KCNK10: variants seen among roughly 807,000 people sequenced by gnomAD.
KCNK10 encodes the protein potassium two pore domain channel subfamily K member 10, also known as potassium channel subfamily K member 10.
Under a neutral mutation model 47.7 loss-of-function variants are expected in KCNK10, and 25 were observed. The ratio of observed to expected loss-of-function variants is 0.52; its 90% CI spans 0.38 to 0.73. The LOEUF (loss-of-function observed/expected upper bound fraction) is 0.73. Among genes scored for constraint, KCNK10 ranks in the 30% least tolerant of loss-of-function variants. The pLI, the probability that KCNK10 is intolerant of heterozygous loss-of-function variation, is 0.00. For synonymous variants in KCNK10, 303 were observed against 285.6 expected (o/e 1.06, Z -0.61); for missense variants, 563 against 714.5 (o/e 0.79, Z 2.42).
chr14:88,258,256 G>T (rs1481604362), intron 2 of KCNK10, among the ~76,000 whole-genome samples: 1 of 151,116 alleles, frequency 6.6e-6, no homozygotes, highest in African/African-American at 2.4e-5. Flanking sequence ...TATTGATGAA[G>T]AAACAAGAGG....
Position 88,322,964 on chromosome 14 carries a change from T to A in KCNK10, c.-166A>T. The A allele has an allele frequency of 6.8e-7, 1 of 1,461,116 alleles. No homozygotes were observed. Among genetic ancestry groups the A allele is most frequent in the East Asian group, 2.5e-5 (1 of 39,592 alleles). The allele number at this position is 1,461,116 out of a possible 1,614,324, so 90.5% of individuals were successfully genotyped here. ...CCAGAAAAAGACAGGTGGGAAAATA[T>A]TAGCTTGGGGGAGAACTGGAGAGGG... is the stretch of plus-strand genomic sequence containing the variant. On this transcript the variant is annotated 5_prime_UTR_variant, in exon 1 of 7. Coordinates refer to ENST00000319231, the MANE Select transcript of KCNK10 (RefSeq NM_138317.3). This position sits in a 1 kb window ranked among gnomAD's most constrained non-coding sequence, Gnocchi z 4.8.
At chr14:88,298,185 T>C (rs1373703918) in intron 1 of KCNK10, among the ~76,000 whole-genome samples, 2 of 152,328 alleles carry the variant, frequency 1.3e-5, no homozygotes, top group East Asian at 3.9e-4. Context: ...TTTCATAGAA[T>C]ATTATTGGCC....
intron 1 of KCNK10, among the ~76,000 whole-genome samples, chr14:88,320,270 T>C (rs1888519344): frequency 6.6e-6 from 1 of 152,216 alleles, no homozygotes; most frequent in Non-Finnish European, 1.5e-5. Context: ...TTATTGAGGT[T>C]TTTTTCATTT....
intron 1 of KCNK10, among the ~76,000 whole-genome samples, chr14:88,316,487 G>A (rs1186495201): frequency 1.3e-5 from 2 of 152,164 alleles, no homozygotes; most frequent in Non-Finnish European, 2.9e-5. Flanking sequence ...AGAAGTGGAA[G>A]GTCCCTTTGA....
Position 88,310,155 on chromosome 14 carries a change from C to CTCATATACCATATGATATGGTATA in KCNK10, c.52+12591_52+12592insTATACCATATCATATGGTATATGA, listed in dbSNP as rs1888283889. Among the ~76,000 whole-genome samples, 3 of 23,990 alleles carry CTCATATACCATATGATATGGTATA rather than the reference C, an allele frequency of 1.3e-4. 1 individual carries two copies. The highest frequency in any genetic ancestry group is 3.5e-3 in the South Asian group (2 of 578). The allele number at this position is 23,990 out of a possible 152,430, so 15.7% of individuals were successfully genotyped here. ...AGCTGATGTTTTAATCCATATCTCT[C>CTCATATACCATATGATATGGTATA]TCATATACCATATCATATGGTATAT... On this transcript the variant is annotated intron_variant, in intron 1 of 6. Transcript: ENST00000319231.
chr14:88,234,019 A>G (rs1055531477), intron 3 of KCNK10, among the ~76,000 whole-genome samples: 2 of 152,208 alleles, frequency 1.3e-5, no homozygotes, highest in African/African-American at 4.8e-5. Context: ...TCCTCCTACA[A>G]TGCGTGACAC....
intron 2 of KCNK10, among the ~76,000 whole-genome samples, chr14:88,255,393 G>T (rs1470239241): frequency 6.6e-6 from 1 of 152,130 alleles, no homozygotes; most frequent in Non-Finnish European, 1.5e-5. Flanking sequence ...AAAATGAGAT[G>T]ATGATTGAAC....
At chr14:88,290,370 A>G (rs574456248) in intron 1 of KCNK10, among the ~76,000 whole-genome samples, 1 of 152,332 alleles carries the variant, frequency 6.6e-6, no homozygotes, top group South Asian at 2.1e-4. Flanking sequence ...TTTTAGCCCC[A>G]TATGACCCAC....
chr14:88,256,179 A>G (rs1225541929), intron 2 of KCNK10, among the ~76,000 whole-genome samples: 3 of 152,212 alleles, frequency 2.0e-5, no homozygotes, highest in Non-Finnish European at 4.4e-5. Context: ...TCGGATTAGC[A>G]TCTTGTCTCT....
At chr14:88,212,034 C>G (rs1163569027) in intron 4 of KCNK10, among the ~76,000 whole-genome samples, 1 of 150,988 alleles carries the variant, frequency 6.6e-6, no homozygotes, top group Non-Finnish European at 1.5e-5. Context: ...TTGAGTATGG[C>G]ACTCCCTTCT....
Position 88,199,116 on chromosome 14 carries a change from C to T in KCNK10, c.682-6706G>A, listed in dbSNP as rs578202085. On this transcript the variant is annotated intron_variant, in intron 4 of 6. Transcript: ENST00000319231. ...TGTATTTTTAGTAGAGATGGGGTTT[C>T]GCCATGTTGGCCATGCTGGTCTTGA... Among the ~76,000 whole-genome samples, 11 of 152,098 alleles carry T rather than the reference C, an allele frequency of 7.2e-5. 2 individuals carry two copies. In the South Asian group the frequency reaches 1.7e-3, roughly 23 times the overall value.
chr14:88,297,045 T>C lies in KCNK10; in HGVS notation c.52+25702A>G, dbSNP rs375966343. On this transcript the variant is annotated intron_variant, in intron 1 of 6. Coordinates refer to ENST00000319231, the MANE Select transcript of KCNK10 (RefSeq NM_138317.3). ...GCATCTAAGAATTAATGTAGTACAA[T>C]AGAACATTTCTCTTGGAGAAACATA... Among the ~76,000 whole-genome samples the C allele has an allele frequency of 1.8e-4, 28 of 152,354 alleles. No individual in the cohort carries two copies. In the South Asian group the frequency reaches 5.2e-3, roughly 28 times the overall value.
upstream of KCNK10, chr14:88,326,376 T>G (rs1455497081): frequency 3.2e-6 from 5 of 1,579,512 alleles, no homozygotes. Context: ...TCCATCCCCT[T>G]CGGTTCTACC....
At position 88,322,928 on chromosome 14, in the gene KCNK10, G is replaced by A; in HGVS notation, c.-130C>T. On this transcript the variant is annotated 5_prime_UTR_variant, in exon 1 of 7. It adds an upstream start codon to the 5' untranslated region. Transcript: ENST00000319231. The surrounding 1 kb of genome is among the most constrained non-coding windows in gnomAD (Gnocchi z 4.8). Reference sequence around the variant, plus strand: ...GGATGGGGGAGCCTTGGACTGGCTCGTGGAGGAACCCCAGAAAAAGACAGG... The same window carrying A: ...GGATGGGGGAGCCTTGGACTGGCTCATGGAGGAACCCCAGAAAAAGACAGG... 16 of 1,525,794 alleles carry A rather than the reference G, an allele frequency of 1.0e-5. No homozygotes were observed. Among genetic ancestry groups the A allele is most frequent in the East Asian group, 2.4e-5 (1 of 42,220 alleles). The allele number at this position is 1,525,794 out of a possible 1,614,324, so 94.5% of individuals were successfully genotyped here. A position where few individuals can be genotyped will look rare whatever the true frequency, so the allele number is the denominator to read the frequency against.
intron 1 of KCNK10, among the ~76,000 whole-genome samples, chr14:88,268,626 A>G (rs1010097612): frequency 2.0e-5 from 3 of 152,244 alleles, no homozygotes; most frequent in Admixed American, 1.3e-4. Context: ...TTTGTTTCAA[A>G]TAGGCATTAA....
chr14:88,277,278 A>G (rs1275700256), intron 1 of KCNK10, among the ~76,000 whole-genome samples: 1 of 152,198 alleles, frequency 6.6e-6, no homozygotes, highest in Non-Finnish European at 1.5e-5. Context: ...AAAAATAAAC[A>G]AGATCCATCA....
chr14:88,290,931 G>A (rs185586098), intron 1 of KCNK10, among the ~76,000 whole-genome samples: 14 of 152,308 alleles, frequency 9.2e-5, no homozygotes, highest in Admixed American at 2.0e-4. Flanking sequence ...CTAGGTCAGC[G>A]TCAGGAAACA....
chr14:88,302,594 C>T (rs1001661719), intron 1 of KCNK10, among the ~76,000 whole-genome samples: 2 of 152,172 alleles, frequency 1.3e-5, no homozygotes, highest in African/African-American at 4.8e-5. Flanking sequence ...CCTGTTATCC[C>T]AGCTACTTGG....
At position 88,221,106 on chromosome 14, in the gene KCNK10, A is replaced by G. The variant is rs141676857; in HGVS notation, c.681+6269T>C. ...CACCTGAGGTCAGGAGTTCAAGACCAGCTTGGCCAACAAAGTGAAACCCCA... is the reference window on the plus strand; with the variant it reads ...CACCTGAGGTCAGGAGTTCAAGACCGGCTTGGCCAACAAAGTGAAACCCCA... On this transcript the variant is annotated intron_variant, in intron 4 of 6. Coordinates refer to ENST00000319231, the MANE Select transcript of KCNK10 (RefSeq NM_138317.3). 9.8e-3 allele frequency among the ~76,000 whole-genome samples: 1,494 copies of G among 152,102 alleles called. 27 individuals carry two copies. Among genetic ancestry groups the G allele is most frequent in the African/African-American group, 0.035 (1,434 of 41,478 alleles).
Sources: gnomAD v4.1 joint callset for allele counts (sites outside exome capture counted in the v4.1 genomes callset) on GRCh38, gnomAD v4.1.1 for gene constraint, Gnocchi (gnomAD v3.1) non-coding constraint, MANE v1.5 for transcripts, NCBI Gene and HGNC (gene_info 2026-07-23, HGNC 2026-07-21) for gene names.